SUGCT: variants seen among roughly 807,000 people sequenced by gnomAD.
SUGCT encodes succinyl-CoA:glutarate-CoA transferase, also known as succinyl-CoA:glutarate CoA-transferase.
Under a neutral mutation model 55.0 loss-of-function variants are expected in SUGCT, and 41 were observed. The observed-to-expected ratio is 0.74, with a 90% CI of 0.58 to 0.97. SUGCT has a LOEUF of 0.97. SUGCT is among the 50% of genes least tolerant of loss of function. The probability of loss-of-function intolerance (pLI) is 0.00; values close to 1 mark genes in which losing one functional copy is unlikely to be tolerated. For synonymous variants in SUGCT, 187 were observed against 200.4 expected (o/e 0.93, Z 0.56); for missense variants, 568 against 547.8 (o/e 1.04, Z -0.37).
At chr7:40,821,453 G>A (rs1478734945) in intron 13 of SUGCT, among the ~76,000 whole-genome samples, 1 of 152,170 alleles carries the variant, frequency 6.6e-6, no homozygotes, top group African/African-American at 2.4e-5. Flanking sequence ...CCTGTTATTT[G>A]TCTATTCAGG....
At chr7:41,025,743 T>C in the SUGCT span, among the ~76,000 whole-genome samples, 1 of 152,076 alleles carries the variant, frequency 6.6e-6, no homozygotes, top group African/African-American at 2.4e-5. Context: ...TGAATAAAGG[T>C]GAAAAAATGT....
At chr7:40,342,149 C>A (rs1337606815) in intron 9 of SUGCT, among the ~76,000 whole-genome samples, 1 of 152,190 alleles carries the variant, frequency 6.6e-6, no homozygotes, top group Non-Finnish European at 1.5e-5. Flanking sequence ...AGATACTGAT[C>A]CATCTTCTCT....
chr7:40,214,027 A>AT (rs1787488650), intron 6 of SUGCT, among the ~76,000 whole-genome samples: 1 of 152,068 alleles, frequency 6.6e-6, no homozygotes, highest in African/African-American at 2.4e-5. Context: ...CCATTTTTAG[A>AT]TTTTGAAACT....
chr7:40,519,909 G>T (rs1262213056), intron 12 of SUGCT, among the ~76,000 whole-genome samples: 1 of 152,056 alleles, frequency 6.6e-6, no homozygotes, highest in East Asian at 1.9e-4. Flanking sequence ...ACTCAAATTT[G>T]TTGAAGCACT....
At chr7:40,870,388 T>C in the SUGCT span, among the ~76,000 whole-genome samples, 3 of 152,136 alleles carry the variant, frequency 2.0e-5, no homozygotes, top group African/African-American at 7.2e-5. Context: ...TCCTCCTCCT[T>C]TACATGATCT....
intron 8 of SUGCT, among the ~76,000 whole-genome samples, chr7:40,299,113 T>C (rs1024111165): frequency 2.6e-5 from 4 of 152,180 alleles, no homozygotes; most frequent in Admixed American, 6.5e-5. Flanking sequence ...TTGATTTTTT[T>C]CCCCATGTTA....
intron 9 of SUGCT, among the ~76,000 whole-genome samples, chr7:40,405,921 GTTC>G (rs1282089158): frequency 6.6e-6 from 1 of 151,906 alleles, no homozygotes; most frequent in Non-Finnish European, 1.5e-5. Context: ...CACACAGTGC[GTTC>G]TTCTTGTCTG....
At chr7:41,036,487 G>GAC in the SUGCT span, among the ~76,000 whole-genome samples, 1 of 152,120 alleles carries the variant, frequency 6.6e-6, no homozygotes, top group African/African-American at 2.4e-5. Flanking sequence ...GTCATGTCTT[G>GAC]ACACTGTTCG....
rs370574486 is a variant in SUGCT at position 40,647,576 on chromosome 7, C to T, written c.1090-101858C>T. ...GTAGAAGTTAGGCCCCTCAGCCAGG[C>T]GCAGTGGCTCACGCATGTACTCCCA... is the stretch of plus-strand genomic sequence containing the variant. On this transcript the variant is annotated intron_variant, in intron 12 of 13. Transcript: ENST00000335693. 4.3e-4 allele frequency among the ~76,000 whole-genome samples: 65 copies of T among 152,250 alleles called. No individual in the cohort carries two copies. In the South Asian group the frequency reaches 0.011, roughly 26 times the overall value.
At chr7:40,268,802 T>C (rs6944348) in intron 7 of SUGCT, among the ~76,000 whole-genome samples, 89,155 of 151,782 alleles carry the variant, frequency 0.59, 26,582 homozygotes, top group African/African-American at 0.7. Flanking sequence ...CCGTGCCCGG[T>C]TAATTTTTGT....
At chr7:40,713,816 G>A (rs1266308688) in intron 12 of SUGCT, among the ~76,000 whole-genome samples, 2 of 152,066 alleles carry the variant, frequency 1.3e-5, no homozygotes, top group Non-Finnish European at 2.9e-5. Flanking sequence ...ACCCTCTCCT[G>A]TCCCTCTCCC....
At chr7:40,215,131 A>T (rs1035093463) in intron 6 of SUGCT, among the ~76,000 whole-genome samples, 2 of 151,948 alleles carry the variant, frequency 1.3e-5, no homozygotes, top group African/African-American at 4.8e-5. Context: ...GGGCCACGTT[A>T]TACTTTGAAC....
At chr7:40,431,397 C>G (rs1252847380) in intron 9 of SUGCT, among the ~76,000 whole-genome samples, 1 of 152,006 alleles carries the variant, frequency 6.6e-6, no homozygotes, top group Non-Finnish European at 1.5e-5. Context: ...TGTTTTCTTT[C>G]TCAGAATTGT....
chr7:40,195,254 G>A (rs1456419951), intron 6 of SUGCT, among the ~76,000 whole-genome samples, 194 bp downstream of exon 6: 3 of 125,504 alleles, frequency 2.4e-5, no homozygotes, highest in East Asian at 2.4e-4. Context: ...ACAGAGTCTC[G>A]CTCTGTTGCC....
chr7:40,574,750 T>C lies in SUGCT; in HGVS notation c.1089+78364T>C, dbSNP rs568524086. On this transcript the variant is annotated intron_variant, in intron 12 of 13. Transcript: ENST00000335693. The stretch of plus-strand genomic sequence containing the variant: ...CCCGGCTGGGCCTGTTAGTTTAATC[T>C]TCCAAAAGATTATGAATCAGCTTCC... 1.8e-3 allele frequency among the ~76,000 whole-genome samples: 277 copies of C among 152,328 alleles called. 5 individuals carry two copies. Among genetic ancestry groups the C allele is most frequent in the East Asian group, 9.6e-4 (5 of 5,186 alleles).
chr7:40,566,333 G>A (rs1796153003), intron 12 of SUGCT, among the ~76,000 whole-genome samples: 1 of 152,168 alleles, frequency 6.6e-6, no homozygotes, highest in African/African-American at 2.4e-5. Context: ...CGTGACTCTG[G>A]TATGGCTCTG....
At chr7:40,642,297 C>T (rs527701876) in intron 12 of SUGCT, among the ~76,000 whole-genome samples, 7 of 152,262 alleles carry the variant, frequency 4.6e-5, no homozygotes, top group Non-Finnish European at 8.8e-5. Context: ...AGATACTAAA[C>T]CTTGGTTCCT....
At chr7:40,729,289 G>C (rs1786771062) in intron 12 of SUGCT, among the ~76,000 whole-genome samples, 1 of 152,186 alleles carries the variant, frequency 6.6e-6, no homozygotes, top group Admixed American at 6.5e-5. Context: ...CTAGAGGCTA[G>C]GGATATAAAG....
chr7:40,396,203 G>A (rs1785717186), intron 9 of SUGCT, among the ~76,000 whole-genome samples: 1 of 152,186 alleles, frequency 6.6e-6, no homozygotes, highest in South Asian at 2.1e-4. Flanking sequence ...TAAATTGGAA[G>A]AAAGTGGAAT....
Sources: allele counts gnomAD v4.1 joint callset (sites outside exome capture counted in the v4.1 genomes callset), GRCh38; gene constraint gnomAD v4.1.1; transcripts MANE v1.5; gene names NCBI Gene and HGNC (gene_info 2026-07-23, HGNC 2026-07-21).